PKP2: variants seen among roughly 807,000 people sequenced by gnomAD.
PKP2 encodes plakophilin 2, also known as plakophilin-2.
PKP2 carries 73 observed loss-of-function variants against 83.4 expected under a neutral mutation model. That is an observed-to-expected ratio of 0.88 (90% CI 0.72 to 1.06). The LOEUF is 1.06. Ranked by LOEUF, PKP2 falls within the 50% of genes least tolerant of loss-of-function variation. The pLI is 0.00. For missense variants in PKP2, 966 were observed against 1,065.4 expected, an observed-to-expected ratio of 0.91 and a Z score of 1.30; for synonymous variants, 409 against 430.4, an observed-to-expected ratio of 0.95 and a Z score of 0.62.
chr12:32,792,849 T>G lies in PKP2; in HGVS notation c.2358-118A>C, dbSNP rs1156788938. 5.1e-6 allele frequency: 4 copies of G among 789,388 alleles called. No homozygotes were observed. In the East Asian group the frequency reaches 1.0e-4, roughly 20 times the overall value. 48.9% of individuals were successfully genotyped at this position (789,388 alleles called of 1,614,324 possible). Reference sequence around the variant, plus strand: ...ACTGCTACTCCGCAGCAGCCATCCATGAAGTCAGGCCACTCGGTGACCAGA... The same window carrying G: ...ACTGCTACTCCGCAGCAGCCATCCAGGAAGTCAGGCCACTCGGTGACCAGA... On this transcript the variant is annotated intron_variant, in intron 11 of 12. Transcript: ENST00000340811.
At chr12:32,810,135 T>C (rs1956264174) in intron 9 of PKP2, among the ~76,000 whole-genome samples, 1 of 152,188 alleles carries the variant, frequency 6.6e-6, no homozygotes, top group African/African-American at 2.4e-5. Context: ...CATCACACAA[T>C]TTTACCCTGT....
At chr12:32,795,827 A>T (rs531768571) in intron 11 of PKP2, among the ~76,000 whole-genome samples, 1 of 152,208 alleles carries the variant, frequency 6.6e-6, no homozygotes, top group African/African-American at 2.4e-5. Flanking sequence ...AAACTAATTC[A>T]TTAGGCCAAT....
intron 4 of PKP2, 101 bp from the exon 5 acceptor site, chr12:32,851,074 A>G: frequency 1.1e-6 from 1 of 930,428 alleles, no homozygotes; most frequent in East Asian, 2.5e-5. Context: ...GCTGACTATA[A>G]CCTTTCTTCA....
intron 10 of PKP2, among the ~76,000 whole-genome samples, chr12:32,798,245 C>T (rs1263177878): frequency 7.5e-5 from 11 of 146,700 alleles, no homozygotes; most frequent in Admixed American, 1.4e-4. Flanking sequence ...CCACCATGCC[C>T]GGCTAATTTT....
chr12:32,892,768 A>G (rs2137997541), intron 1 of PKP2, among the ~76,000 whole-genome samples: 1 of 137,140 alleles, frequency 7.3e-6, no homozygotes, highest in South Asian at 2.5e-4. Context: ...TAAGTAGTAA[A>G]TACAATTTAA....
At chr12:32,866,694 C>G (rs1956852455) in intron 4 of PKP2, among the ~76,000 whole-genome samples, 1 of 151,084 alleles carries the variant, frequency 6.6e-6, no homozygotes, top group African/African-American at 2.4e-5. Context: ...TGAGGAGGAA[C>G]TGGAACTCTC....
At chr12:32,882,549 A>G (rs6488099) in intron 1 of PKP2, among the ~76,000 whole-genome samples, 22,274 of 152,202 alleles carry the variant, frequency 0.15, 1,869 homozygotes, top group South Asian at 0.21. Context: ...AGTATCTCCT[A>G]TCAAATAGCT....
chr12:32,858,149 TATAA>T (rs1565592821), intron 4 of PKP2, among the ~76,000 whole-genome samples: 9 of 103,400 alleles, frequency 8.7e-5, no homozygotes, highest in African/African-American at 2.6e-4. Flanking sequence ...TATATATATA[TATAA>T]ATATATATAA....
chr12:32,827,164 G>C (rs1956450234), intron 6 of PKP2, among the ~76,000 whole-genome samples: 7 of 152,160 alleles, frequency 4.6e-5, no homozygotes, highest in Admixed American at 4.6e-4. Context: ...GTTTATTTCG[G>C]GTTAGAATGG....
At chr12:32,893,123 A>G (rs1957089618) in intron 1 of PKP2, among the ~76,000 whole-genome samples, 1 of 152,230 alleles carries the variant, frequency 6.6e-6, no homozygotes. Flanking sequence ...GGCATTGGAA[A>G]GAAGACAAAG....
intron 10 of PKP2, among the ~76,000 whole-genome samples, chr12:32,797,809 G>A (rs144302746): frequency 0.052 from 7,872 of 151,842 alleles, 255 homozygotes; most frequent in Non-Finnish European, 0.079. Context: ...GCCCGCCTGG[G>A]CCTCCCAAAG....
intron 9 of PKP2, among the ~76,000 whole-genome samples, chr12:32,810,118 A>G (rs992191901): frequency 2.6e-5 from 4 of 152,194 alleles, no homozygotes; most frequent in Admixed American, 6.5e-5. Flanking sequence ...TAGTTCTTCA[A>G]TAAGCCCATC....
chr12:32,881,467 G>A (rs930226320), intron 1 of PKP2, among the ~76,000 whole-genome samples: 2 of 151,986 alleles, frequency 1.3e-5, no homozygotes, highest in African/African-American at 2.4e-5. Context: ...TCGCTATGTT[G>A]CCCAGGCTGA....
At position 32,840,919 on chromosome 12, in the gene PKP2, C is replaced by CGGGG; in HGVS notation, c.1556+108_1556+109insCCCC. 3.8e-6 allele frequency: 3 copies of CGGGG among 795,822 alleles called. No individual in the cohort carries two copies. In the South Asian group the frequency reaches 4.3e-5, roughly 12 times the overall value. 49.3% of individuals were successfully genotyped at this position (795,822 alleles called of 1,614,324 possible). On this transcript the variant is annotated intron_variant, in intron 6 of 12. Transcript: ENST00000340811. ...TAAATAAAATAAACAAACCATCAAACAAACTGTGTAACTAGAAAAGAACCA... is the reference window on the plus strand; with the variant it reads ...TAAATAAAATAAACAAACCATCAAACGGGGAAACTGTGTAACTAGAAAAGAACCA...
chr12:32,863,350 A>G, intron 4 of PKP2: 1 of 259,946 alleles, frequency 3.8e-6, no homozygotes, highest in Admixed American at 4.1e-5. Flanking sequence ...ACACAGTGGC[A>G]TGGTTTGTGC....
chr12:32,794,161 A>C (rs1481127470), intron 11 of PKP2, among the ~76,000 whole-genome samples: 2 of 152,230 alleles, frequency 1.3e-5, no homozygotes, highest in African/African-American at 4.8e-5. Flanking sequence ...AGGAGCAGTC[A>C]AATCAGCACT....
chr12:32,808,633 A>G lies in PKP2; in HGVS notation c.2014-6077T>C, dbSNP rs549340148. Reference sequence around the variant, plus strand: ...TCTTTTTGAGTTTCAGCGTTTTTGCATTGATTCTTTCTCATCTTTGTGGGC... The same window carrying G: ...TCTTTTTGAGTTTCAGCGTTTTTGCGTTGATTCTTTCTCATCTTTGTGGGC... On this transcript the variant is annotated intron_variant, in intron 9 of 12. Transcript: ENST00000340811. Among the ~76,000 whole-genome samples, 3 of 152,226 alleles carry G rather than the reference A, an allele frequency of 2.0e-5. No individual in the cohort carries two copies. In the South Asian group the frequency reaches 6.2e-4, roughly 32 times the overall value.
At chr12:32,863,289 C>T in intron 4 of PKP2, 1 of 263,572 alleles carries the variant, frequency 3.8e-6, no homozygotes, top group Non-Finnish European at 8.1e-6. Context: ...CTCCTGGCAG[C>T]AAACCAAACA....
In PKP2 at chr12:32,896,762, C is replaced by A. The variant is rs1262033887; in HGVS notation, c.-31G>T. On this transcript the variant is annotated 5_prime_UTR_variant, in exon 1 of 13. It adds an upstream start codon to the 5' untranslated region. Transcript: ENST00000340811. ...CGGTGGGGGCGACCGAGCTGCTCGC[C>A]TGCCTCTGGACTCGCGGGCGAAGCC... 1 of 1,243,668 alleles carries A rather than the reference C, an allele frequency of 8.0e-7. No individual in the cohort carries two copies. The highest frequency in any genetic ancestry group is 3.1e-5 in the East Asian group (1 of 32,464). 77.0% of individuals were successfully genotyped at this position (1,243,668 alleles called of 1,614,324 possible).
Sources: allele counts gnomAD v4.1 joint callset (sites outside exome capture counted in the v4.1 genomes callset), GRCh38; gene constraint gnomAD v4.1.1; transcripts MANE v1.5; gene names NCBI Gene and HGNC (gene_info 2026-07-23, HGNC 2026-07-21).